Variants in MFAP3 observed in about 807,000 individuals in gnomAD.
The protein encoded by MFAP3 is microfibril-associated glycoprotein 3.
Under a neutral mutation model 20.5 loss-of-function variants are expected in MFAP3, and 8 were observed. The observed-to-expected ratio is 0.39, with a 90% CI of 0.23 to 0.70. The LOEUF (loss-of-function observed/expected upper bound fraction) is 0.70, where lower values mean the gene tolerates loss of function less well. Ranked by LOEUF, MFAP3 falls within the 30% of genes least tolerant of loss-of-function variation. The pLI is 0.44. For missense variants in MFAP3, 398 were observed against 444.6 expected (o/e 0.90, Z 0.94); for synonymous variants, 140 against 154.0 (o/e 0.91, Z 0.67).
intron 1 of MFAP3, among the ~76,000 whole-genome samples, chr5:154,043,783 C>T (rs1773017162): frequency 6.6e-6 from 1 of 151,180 alleles, no homozygotes; most frequent in South Asian, 2.1e-4. Flanking sequence ...CTTGTGTCTC[C>T]CATGGCATCT....
chr5:154,040,180 A>C (rs1031157365), intron 1 of MFAP3, among the ~76,000 whole-genome samples: 2 of 152,220 alleles, frequency 1.3e-5, no homozygotes, highest in Admixed American at 6.5e-5. Context: ...ATACTTTTAA[A>C]ATGTATTGAG....
chr5:154,052,649 G>C (rs1440921408), intron 2 of MFAP3, among the ~76,000 whole-genome samples: 1 of 152,048 alleles, frequency 6.6e-6, no homozygotes. Context: ...TCACAGAAAG[G>C]CTTTTGAAGT....
At position 154,056,896 on chromosome 5, in the gene MFAP3, C is replaced by T. The variant is rs1483594582; in HGVS notation, c.*3183C>T. Among the ~76,000 whole-genome samples, 1 of 152,180 alleles carries T rather than the reference C, an allele frequency of 6.6e-6. No homozygotes were observed. Among genetic ancestry groups the T allele is most frequent in the Non-Finnish European group, 1.5e-5 (1 of 68,044 alleles). On this transcript the variant is annotated 3_prime_UTR_variant, in exon 3 of 3. Transcript: ENST00000522782. ...ATAGAAATATCTTAGAAATTGCTGA[C>T]CTGGAACGGTTGTGAGAAGACTCCT... is the stretch of plus-strand genomic sequence containing the variant.
chr5:154,044,798 A>G (rs1038039818), intron 1 of MFAP3, among the ~76,000 whole-genome samples: 3 of 152,224 alleles, frequency 2.0e-5, no homozygotes, highest in Admixed American at 6.5e-5. Context: ...GCAGCCACAG[A>G]CACAGTTCAA....
rs1313787918 is a variant in MFAP3, at chr5:154,054,181, C to T, written c.*468C>T. 2 of 168,536 alleles carry T rather than the reference C, an allele frequency of 1.2e-5. No homozygotes were observed. The highest frequency in any genetic ancestry group is 6.4e-5 in the Admixed American group (1 of 15,608). 10.4% of individuals were successfully genotyped at this position (168,536 alleles called of 1,614,324 possible). ...TCACTCATCTCTAAGTAAACCTTTCCCGGGACTTTTACTCGCTTCTTTTGG... is the reference window on the plus strand; with the variant it reads ...TCACTCATCTCTAAGTAAACCTTTCTCGGGACTTTTACTCGCTTCTTTTGG... On this transcript the variant is annotated 3_prime_UTR_variant, in exon 3 of 3. Coordinates refer to ENST00000522782, the MANE Select transcript of MFAP3 (RefSeq NM_005927.5).
Position 154,053,882 on chromosome 5 carries a change from T to C in MFAP3, c.*169T>C, listed in dbSNP as rs1219242860. 1.6e-6 allele frequency: 1 copy of C among 610,674 alleles called. No homozygotes were observed. The highest frequency in any genetic ancestry group is 1.9e-5 in the African/African-American group (1 of 53,826). 37.8% of individuals were successfully genotyped at this position (610,674 alleles called of 1,614,324 possible). On this transcript the variant is annotated 3_prime_UTR_variant, in exon 3 of 3. Coordinates refer to ENST00000522782, the MANE Select transcript of MFAP3 (RefSeq NM_005927.5). ...AAAGTCTTCATTAGAAGGCAGCATT[T>C]TTCCTCTCTGATACTTTTCAGTCAT...
At chr5:154,040,443 T>C (rs1410236583) in intron 1 of MFAP3, among the ~76,000 whole-genome samples, 1 of 152,214 alleles carries the variant, frequency 6.6e-6, no homozygotes, top group Admixed American at 6.5e-5. Flanking sequence ...TCTTACAATA[T>C]CAATCATCAT....
Position 154,057,009 on chromosome 5 carries a change from G to A in MFAP3, c.*3296G>A, listed in dbSNP as rs1773349407. Among the ~76,000 whole-genome samples the A allele has an allele frequency of 6.6e-6, 1 of 152,156 alleles. No individual in the cohort carries two copies. Among genetic ancestry groups the A allele is most frequent in the Non-Finnish European group, 1.5e-5 (1 of 68,026 alleles). On this transcript the variant is annotated 3_prime_UTR_variant, in exon 3 of 3. Transcript: ENST00000522782. Reference sequence around the variant, plus strand: ...TCCTTTTGCTCCTCCAGACAAGTGAGGCTGTTGGTATAGTCCTCTTCACCC... The same window carrying A: ...TCCTTTTGCTCCTCCAGACAAGTGAAGCTGTTGGTATAGTCCTCTTCACCC...
In MFAP3 at chr5:154,053,660, G is replaced by T. The variant is rs753076496; in HGVS notation, c.1036G>T (p.Ala346Ser). The T allele has an allele frequency of 1.2e-6, 2 of 1,613,860 alleles. No individual in the cohort carries two copies. The highest frequency in any genetic ancestry group is 8.5e-7 in the Non-Finnish European group (1 of 1,179,860). Residue 346 changes from alanine to serine, a missense_variant, in exon 3 of 3, where the codon GCA (alanine) becomes TCA (serine). Ala to Ser is a moderately conservative substitution (Grantham distance 99). Coordinates refer to ENST00000522782, the MANE Select transcript of MFAP3 (RefSeq NM_005927.5). ...CAGTCCACCTGATGATATAGGATCTGCAGAATCTAACTGTAACTACAAAGA... is the reference window on the plus strand; with the variant it reads ...CAGTCCACCTGATGATATAGGATCTTCAGAATCTAACTGTAACTACAAAGA... ...HFSPPDDIGS[A>S]ESNCNYKDGA... is the part of the protein sequence containing the mutation.
chr5:154,056,422 A>T lies in MFAP3; in HGVS notation c.*2709A>T, dbSNP rs184810280. On this transcript the variant is annotated 3_prime_UTR_variant, in exon 3 of 3. Transcript: ENST00000522782. Reference sequence around the variant, plus strand: ...TTCTGTATCTAATCAAATACTCTTCATATATAATTAAGCCTCATGTTATCT... The same window carrying T: ...TTCTGTATCTAATCAAATACTCTTCTTATATAATTAAGCCTCATGTTATCT... 6.6e-6 allele frequency among the ~76,000 whole-genome samples: 1 copy of T among 152,210 alleles called. No homozygotes were observed. The highest frequency in any genetic ancestry group is 1.5e-5 in the Non-Finnish European group (1 of 68,032).
At chr5:154,044,204 A>G (rs1196412957) in intron 1 of MFAP3, among the ~76,000 whole-genome samples, 1 of 152,226 alleles carries the variant, frequency 6.6e-6, no homozygotes, top group Non-Finnish European at 1.5e-5. Flanking sequence ...GCTGAGCTGT[A>G]GTTTTAAAGT....
rs1345196233 is a variant in MFAP3 at position 154,055,782 on chromosome 5, A to AT, written c.*2075dup. 2.6e-5 allele frequency among the ~76,000 whole-genome samples: 4 copies of AT among 151,428 alleles called. No homozygotes were observed. Among genetic ancestry groups the AT allele is most frequent in the Non-Finnish European group, 5.9e-5 (4 of 67,816 alleles). ...CACCTTTCCTGGCTAATTTTTTTTT[A>AT]TTTTTTGTAGAGATGGGGGTCTCAC... On this transcript the variant is annotated 3_prime_UTR_variant, in exon 3 of 3. Transcript: ENST00000522782.
In MFAP3 at chr5:154,056,840, C is replaced by A. The variant is rs1391786428; in HGVS notation, c.*3127C>A. ...GGTTTAATTCTTGAGTCAGGGCCAG[C>A]ACGCATTTATATTTTCTACCAATTA... On this transcript the variant is annotated 3_prime_UTR_variant, in exon 3 of 3. Transcript: ENST00000522782. 6.6e-6 allele frequency among the ~76,000 whole-genome samples: 1 copy of A among 152,296 alleles called. No individual in the cohort carries two copies. The highest frequency in any genetic ancestry group is 2.4e-5 in the African/African-American group (1 of 41,554).
At chr5:154,045,370 G>A (rs1773052372) in intron 1 of MFAP3, among the ~76,000 whole-genome samples, 1 of 151,980 alleles carries the variant, frequency 6.6e-6, no homozygotes, top group Non-Finnish European at 1.5e-5. Context: ...AGTTTACAAT[G>A]CCTATATGCT....
chr5:154,040,746 C>T (rs902342262), intron 1 of MFAP3, among the ~76,000 whole-genome samples: 2 of 152,166 alleles, frequency 1.3e-5, no homozygotes, highest in African/African-American at 4.8e-5. Flanking sequence ...CTTTAACAAG[C>T]ACCACAAATT....
rs918179753 is a variant in MFAP3, at chr5:154,048,914, C to G, written c.-166-643C>G. Among the ~76,000 whole-genome samples the G allele has an allele frequency of 2.0e-5, 3 of 152,194 alleles. No individual in the cohort carries two copies. The East Asian group carries it at 5.8e-4, about 29-fold the overall frequency. On this transcript the variant is annotated intron_variant, in intron 1 of 2. Coordinates refer to ENST00000522782, the MANE Select transcript of MFAP3 (RefSeq NM_005927.5). ...AAAGAAAATTCTGTTGTCTAATGTTCTTGCCCATGAAGGAGGTTCCATAGC... is the reference window on the plus strand; with the variant it reads ...AAAGAAAATTCTGTTGTCTAATGTTGTTGCCCATGAAGGAGGTTCCATAGC...
At chr5:154,051,990 CAG>C (rs1373840761) in intron 2 of MFAP3, 1 of 151,204 alleles carries the variant, frequency 6.6e-6, no homozygotes, top group African/African-American at 2.5e-5. Context: ...AGTTAAAGCA[CAG>C]AGTGCTTTGG....
intron 2 of MFAP3, chr5:154,051,593 A>G (rs1278143682): frequency 6.6e-6 from 1 of 152,236 alleles, no homozygotes; most frequent in Non-Finnish European, 1.5e-5. Flanking sequence ...GTAGTTCATC[A>G]TACCTTGGAT....
chr5:154,049,855 C>T lies in MFAP3; in HGVS notation c.133C>T (p.Pro45Ser), dbSNP rs1478862801. The change falls in exon 2 of 3, where the codon CCC becomes TCC. Residue 45 changes from proline to serine, a missense_variant. Physicochemically the swap from Pro to Ser is moderately conservative, Grantham distance 74. Transcript: ENST00000522782. ...TCGTAGTTCTTACAATGCATCCTTT[C>T]CCTCAAGCTTTGAACTCTCAGCAAG... Reference protein sequence around the residue: ...ANRSSYNASFPSSFELSASSH... With the variant: ...ANRSSYNASFSSSFELSASSH... The T allele has an allele frequency of 2.5e-6, 4 of 1,613,716 alleles. No individual in the cohort carries two copies. The highest frequency in any genetic ancestry group is 3.4e-6 in the Non-Finnish European group (4 of 1,179,746).
Sources: allele counts gnomAD v4.1 joint callset (sites outside exome capture counted in the v4.1 genomes callset), GRCh38; gene constraint gnomAD v4.1.1; transcripts MANE v1.5; gene names NCBI Gene and HGNC (gene_info 2026-07-23, HGNC 2026-07-21).